The following NRP1 variants were observed in gnomAD, a reference collection of about 807,000 sequenced individuals.
The protein encoded by NRP1 is neuropilin 1.
In NRP1, 35 loss-of-function variants were observed where a neutral mutation model predicts 106.7. The ratio of observed to expected loss-of-function variants is 0.33; its 90% CI spans 0.25 to 0.43. The LOEUF (loss-of-function observed/expected upper bound fraction) is 0.43, where lower values mean the gene tolerates loss of function less well. NRP1 is among the 20% of genes least tolerant of loss of function. The pLI is 1.00. For synonymous variants in NRP1, 437 were observed against 417.9 expected (o/e 1.05, Z -0.56); for missense variants, 1,024 against 1,170.4 (o/e 0.87, Z 1.83).
chr10:33,247,449 A>G (rs991237660), intron 6 of NRP1, among the ~76,000 whole-genome samples: 4 of 152,204 alleles, frequency 2.6e-5, no homozygotes, highest in African/African-American at 7.2e-5. Context: ...GCCAGAAGCA[A>G]CAACTCACCA....
chr10:33,236,730 T>C (rs896039123), intron 6 of NRP1, among the ~76,000 whole-genome samples: 5 of 152,242 alleles, frequency 3.3e-5, no homozygotes, highest in Admixed American at 6.5e-5. Context: ...TCAGCCACTT[T>C]AAGACATGGT....
chr10:33,256,079 T>A (rs1842177548), intron 5 of NRP1, among the ~76,000 whole-genome samples: 1 of 152,136 alleles, frequency 6.6e-6, no homozygotes, highest in South Asian at 2.1e-4. Flanking sequence ...ATTTCCTACT[T>A]TCTCCCATAA....
At chr10:33,208,899 C>CTTTTTTTTTTTT (rs11310131) in intron 9 of NRP1, among the ~76,000 whole-genome samples, 2 of 85,240 alleles carry the variant, frequency 2.3e-5, no homozygotes, top group African/African-American at 4.7e-5. Flanking sequence ...TTAGAGCAGC[C>CTTTTTTTTTTTT]TTTTTTTTTT....
At position 33,179,025 on chromosome 10, in the gene NRP1, G is replaced by A. The variant is rs1322651355; in HGVS notation, c.*1051C>T. The A allele has an allele frequency of 6.6e-6, 1 of 152,632 alleles. No homozygotes were observed. Among genetic ancestry groups the A allele is most frequent in the Non-Finnish European group, 1.5e-5 (1 of 68,040 alleles). The allele number at this position is 152,632 out of a possible 1,614,324, so 9.5% of individuals were successfully genotyped here. A position where few individuals can be genotyped will look rare whatever the true frequency, so the allele number is the denominator to read the frequency against. On this transcript the variant is annotated 3_prime_UTR_variant, in exon 17 of 17. Coordinates refer to ENST00000374867, the MANE Select transcript of NRP1 (RefSeq NM_003873.7). ...AAGACAGAGAGATAGGAGAGAGAAA[G>A]AGAAGAGAGTTTACATTTGAAAATA...
At chr10:33,265,710 T>C (rs1045633938) in intron 3 of NRP1, among the ~76,000 whole-genome samples, 5 of 152,200 alleles carry the variant, frequency 3.3e-5, no homozygotes, top group Admixed American at 1.3e-4. Flanking sequence ...TTGAAATACC[T>C]CTCAAACCTT....
Position 33,207,729 on chromosome 10 carries a change from G to A in NRP1, c.1615-13C>T, listed in dbSNP as rs759726989. 2 of 1,608,384 alleles carry A rather than the reference G, an allele frequency of 1.2e-6. No individual in the cohort carries two copies. The highest frequency in any genetic ancestry group is 1.7e-6 in the Non-Finnish European group (2 of 1,178,124). On this transcript the variant is annotated splice_polypyrimidine_tract_variant and intron_variant, in intron 9 of 16. Transcript: ENST00000374867. Reference sequence around the variant, plus strand: ...TGCCCTCAAAAGACTGTGAAGCATGGAAAACACAGGGCATTAAGGAAAAAA... The same window carrying A: ...TGCCCTCAAAAGACTGTGAAGCATGAAAAACACAGGGCATTAAGGAAAAAA...
At chr10:33,300,136 C>T (rs956377519) in intron 2 of NRP1, among the ~76,000 whole-genome samples, 3 of 152,204 alleles carry the variant, frequency 2.0e-5, no homozygotes, top group Non-Finnish European at 4.4e-5. Context: ...ATCACGGGGA[C>T]ACCCTGTGTA....
chr10:33,281,979 C>T (rs955840819), intron 2 of NRP1, among the ~76,000 whole-genome samples: 2 of 152,208 alleles, frequency 1.3e-5, no homozygotes, highest in Non-Finnish European at 2.9e-5. Context: ...AGATAACCAA[C>T]TCTCAGAATA....
chr10:33,266,790 A>G (rs1052990471), intron 3 of NRP1, among the ~76,000 whole-genome samples: 5 of 152,144 alleles, frequency 3.3e-5, no homozygotes, highest in African/African-American at 4.8e-5. Context: ...TCCTTGCAAT[A>G]GTAAGTGAGT....
intron 12 of NRP1, 53 bp from the exon 13 acceptor site, chr10:33,192,471 A>G: frequency 6.3e-7 from 1 of 1,598,190 alleles, no homozygotes. Flanking sequence ...GGCAAATTTG[A>G]TCATTTAGGG....
intron 6 of NRP1, among the ~76,000 whole-genome samples, chr10:33,249,751 G>A (rs1018173396): frequency 1.3e-5 from 2 of 152,142 alleles, no homozygotes; most frequent in Non-Finnish European, 2.9e-5. Context: ...AGCAGGATAT[G>A]GCTGTGTGCA....
intron 2 of NRP1, among the ~76,000 whole-genome samples, chr10:33,301,281 G>A (rs1037071981): frequency 6.6e-6 from 1 of 152,126 alleles, no homozygotes; most frequent in African/African-American, 2.4e-5. Context: ...TTTCTCTTTG[G>A]CCTGAAGTTA....
At chr10:33,276,085 T>C (rs919220449) in intron 2 of NRP1, among the ~76,000 whole-genome samples, 1 of 152,216 alleles carries the variant, frequency 6.6e-6, no homozygotes, top group African/African-American at 2.4e-5. Flanking sequence ...GGCCAAGCCA[T>C]TAATTGGTTA....
intron 2 of NRP1, among the ~76,000 whole-genome samples, chr10:33,308,573 G>A (rs1190290261): frequency 6.6e-6 from 1 of 151,826 alleles, no homozygotes; most frequent in Non-Finnish European, 1.5e-5. Context: ...TGCAGCCTCT[G>A]CCTCCCGGGT....
At chr10:33,298,888 A>G (rs1224565414) in intron 2 of NRP1, among the ~76,000 whole-genome samples, 2 of 152,082 alleles carry the variant, frequency 1.3e-5, no homozygotes, top group East Asian at 3.9e-4. Context: ...TAAAAGTTTC[A>G]TATTCTTCCC....
intron 12 of NRP1, among the ~76,000 whole-genome samples, chr10:33,196,586 T>C (rs1836802388): frequency 6.6e-6 from 1 of 152,202 alleles, no homozygotes; most frequent in Non-Finnish European, 1.5e-5. Flanking sequence ...GACTCTTCTG[T>C]TTCATCTCTT....
intron 2 of NRP1, among the ~76,000 whole-genome samples, chr10:33,309,919 G>A (rs889197378): frequency 1.3e-5 from 2 of 150,452 alleles, no homozygotes; most frequent in Non-Finnish European, 2.9e-5. Flanking sequence ...CAAAATGTTC[G>A]AAATAGGACC....
chr10:33,253,870 C>T (rs921367266), intron 6 of NRP1, among the ~76,000 whole-genome samples, 158 bp downstream of exon 6: 3 of 152,124 alleles, frequency 2.0e-5, no homozygotes, highest in South Asian at 2.1e-4. Flanking sequence ...ACCTGATGGC[C>T]GTGAACCTAT....
At chr10:33,325,721 A>G (rs1484142435) in intron 2 of NRP1, among the ~76,000 whole-genome samples, 1 of 152,236 alleles carries the variant, frequency 6.6e-6, no homozygotes, top group African/African-American at 2.4e-5. Context: ...AACGAATATC[A>G]TCTCTATTTG....
Sources: allele counts gnomAD v4.1 joint callset (sites outside exome capture counted in the v4.1 genomes callset), GRCh38; gene constraint gnomAD v4.1.1; transcripts MANE v1.5; gene names NCBI Gene and HGNC (gene_info 2026-07-23, HGNC 2026-07-21).